PRDM12: variants seen among roughly 807,000 people sequenced by gnomAD.
The protein encoded by PRDM12 is PR domain zinc finger protein 12.
PRDM12 carries 17 observed loss-of-function variants against 29.6 expected under a neutral mutation model. That is an observed-to-expected ratio of 0.57 (90% CI 0.39 to 0.86). The LOEUF is 0.86. Among genes scored for constraint, PRDM12 ranks in the 40% least tolerant of loss-of-function variants. The pLI is 0.00. For synonymous variants in PRDM12, 231 were observed against 225.8 expected, an observed-to-expected ratio of 1.02 and a Z score of -0.21; for missense variants, 422 against 510.8, an observed-to-expected ratio of 0.83 and a Z score of 1.68.
In PRDM12 at chr9:130,668,443, C is replaced by T. The variant is rs547634992; in HGVS notation, c.570+130C>T. ...GCTGACACTGGCCTCGCTGGCTCTGCGCAGGCCATGGGGCTGTGGCAGACA... is the reference window on the plus strand; with the variant it reads ...GCTGACACTGGCCTCGCTGGCTCTGTGCAGGCCATGGGGCTGTGGCAGACA... On this transcript the variant is annotated intron_variant, in intron 3 of 4. Transcript: ENST00000253008. The surrounding 1 kb of genome is among the most constrained non-coding windows in gnomAD (Gnocchi z 4.0). 12 of 1,430,262 alleles carry T rather than the reference C, an allele frequency of 8.4e-6. No homozygotes were observed. Among genetic ancestry groups the T allele is most frequent in the South Asian group, 2.6e-5 (2 of 76,588 alleles). The allele number at this position is 1,430,262 out of a possible 1,614,324, so 88.6% of individuals were successfully genotyped here. A position where few individuals can be genotyped will look rare whatever the true frequency, so the allele number is the denominator to read the frequency against.
intron 3 of PRDM12, among the ~76,000 whole-genome samples, chr9:130,669,379 G>A (rs1030599548): frequency 6.6e-6 from 1 of 151,676 alleles, no homozygotes; most frequent in Non-Finnish European, 1.5e-5. Flanking sequence ...AAAAATTAGT[G>A]GGGCGTGGTG....
intron 3 of PRDM12, among the ~76,000 whole-genome samples, chr9:130,671,374 GACACACACACACACACACACAC>G (rs56920587): frequency 1.5e-5 from 2 of 135,640 alleles, no homozygotes; most frequent in African/African-American, 2.7e-5. Context: ...AGAGGATCAG[GACACACACACACACACACACAC>G]ACACACACAC....
At chr9:130,676,452 C>T (rs1043648061) in intron 3 of PRDM12, among the ~76,000 whole-genome samples, 3 of 151,994 alleles carry the variant, frequency 2.0e-5, no homozygotes, top group East Asian at 1.9e-4. Flanking sequence ...GCCAAGATCG[C>T]GCCACTGCAC....
At chr9:130,679,326 CTTCCTTTTTTTTTTTTTTT>C (rs901522147) in intron 4 of PRDM12, among the ~76,000 whole-genome samples, 11 of 138,114 alleles carry the variant, frequency 8.0e-5, no homozygotes, top group African/African-American at 1.9e-4. Context: ...TTCTTTCTTT[CTTCCTTTTTTTTTTTTTTT>C]TTTTTGAGAC....
chr9:130,670,338 G>A (rs971120384), intron 3 of PRDM12, among the ~76,000 whole-genome samples: 2 of 152,064 alleles, frequency 1.3e-5, no homozygotes, highest in Non-Finnish European at 2.9e-5. Flanking sequence ...TAGCTTCTCG[G>A]ATGGGTTCCT....
At chr9:130,680,659 A>ATATATATATTTTTTTT in intron 4 of PRDM12, among the ~76,000 whole-genome samples, 23 of 72,166 alleles carry the variant, frequency 3.2e-4, no homozygotes, top group African/African-American at 1.2e-3. Context: ...ATATATATAT[A>ATATATATATTTTTTTT]TTTTTTTTTT....
Position 130,668,951 on chromosome 9 carries a change from G to A in PRDM12, c.570+638G>A, listed in dbSNP as rs550011594. 2.0e-5 allele frequency among the ~76,000 whole-genome samples: 3 copies of A among 152,288 alleles called. No homozygotes were observed. The East Asian group carries it at 5.8e-4, about 29-fold the overall frequency. Reference sequence around the variant, plus strand: ...GGCAGCAGACTTGGGGGTTTTGCCGGCCATCTGGGGGGAGTGTTAGCACTA... The same window carrying A: ...GGCAGCAGACTTGGGGGTTTTGCCGACCATCTGGGGGGAGTGTTAGCACTA... On this transcript the variant is annotated intron_variant, in intron 3 of 4. Coordinates refer to ENST00000253008, the MANE Select transcript of PRDM12 (RefSeq NM_021619.3). This position sits in a 1 kb window ranked among gnomAD's most constrained non-coding sequence, Gnocchi z 4.0.
In PRDM12 at chr9:130,668,838, G is replaced by A. The variant is rs569539702; in HGVS notation, c.570+525G>A. ...GCTTCTCCCAGATGCTGGATATGCA[G>A]TATGGTATTTAATCCCCACGGGGCC... On this transcript the variant is annotated intron_variant, in intron 3 of 4. Coordinates refer to ENST00000253008, the MANE Select transcript of PRDM12 (RefSeq NM_021619.3). The surrounding 1 kb of genome is among the most constrained non-coding windows in gnomAD (Gnocchi z 4.0). 1.3e-5 allele frequency among the ~76,000 whole-genome samples: 2 copies of A among 152,168 alleles called. No individual in the cohort carries two copies. Among genetic ancestry groups the A allele is most frequent in the Non-Finnish European group, 2.9e-5 (2 of 68,040 alleles).
chr9:130,680,652 TA>T (rs1321737632), intron 4 of PRDM12, among the ~76,000 whole-genome samples: 11 of 85,672 alleles, frequency 1.3e-4, no homozygotes, highest in East Asian at 3.7e-4. Context: ...TATATATATA[TA>T]TATATATTTT....
chr9:130,665,212 C>A (rs909103856), intron 1 of PRDM12, among the ~76,000 whole-genome samples: 1 of 151,090 alleles, frequency 6.6e-6, no homozygotes, highest in African/African-American at 2.4e-5. Flanking sequence ...GCAGTTGACT[C>A]AAAAAGAAGG....
Position 130,681,773 on chromosome 9 carries a change from C to T in PRDM12, c.*104C>T. Reference sequence around the variant, plus strand: ...GCCCCAACCCCCGGCCCGGCGCCGCCGCGGAGCCCCGCGCGCTGGGGTTGC... The same window carrying T: ...GCCCCAACCCCCGGCCCGGCGCCGCTGCGGAGCCCCGCGCGCTGGGGTTGC... On this transcript the variant is annotated 3_prime_UTR_variant, in exon 5 of 5. Transcript: ENST00000253008. The surrounding 1 kb of genome is among the most constrained non-coding windows in gnomAD (Gnocchi z 8.1). 1 of 931,410 alleles carries T rather than the reference C, an allele frequency of 1.1e-6. No individual in the cohort carries two copies. The highest frequency in any genetic ancestry group is 1.3e-6 in the Non-Finnish European group (1 of 781,044). 57.7% of individuals were successfully genotyped at this position (931,410 alleles called of 1,614,324 possible).
intron 1 of PRDM12, among the ~76,000 whole-genome samples, chr9:130,665,360 GGAGA>G (rs1309339821): frequency 2.0e-5 from 3 of 152,134 alleles, no homozygotes; most frequent in Non-Finnish European, 4.4e-5. Context: ...GGAGAGCGAG[GGAGA>G]GAAAGAGAGA....
At position 130,664,664 on chromosome 9, in the gene PRDM12, C is replaced by A. The variant is rs753820113; in HGVS notation, c.11C>A (p.Ser4Tyr). The stretch of plus-strand genomic sequence containing the variant: ...AGCTCCGGGCCGCCCATGATGGGCT[C>A]CGTGCTCCCGGCTGAGGCCCTGGTG... The part of the protein sequence containing the change: MMG[S>Y]VLPAEALVLK... The change falls in exon 1 of 5, where the codon TCC becomes TAC. Residue 4 changes from serine to tyrosine, a missense_variant. Coordinates refer to ENST00000253008, the MANE Select transcript of PRDM12 (RefSeq NM_021619.3). This position sits in a 1 kb window ranked among gnomAD's most constrained non-coding sequence, Gnocchi z 6.4. 1 of 1,593,676 alleles carries A rather than the reference C, an allele frequency of 6.3e-7. No homozygotes were observed. The highest frequency in any genetic ancestry group is 1.1e-5 in the South Asian group (1 of 89,002).
chr9:130,671,773 C>T (rs112845199), intron 3 of PRDM12, among the ~76,000 whole-genome samples: 10,144 of 152,140 alleles, frequency 0.067, 387 homozygotes, highest in South Asian at 0.1. Context: ...TTATTCTCTG[C>T]GTGTGGGTGA....
At position 130,668,180 on chromosome 9, in the gene PRDM12, T is replaced by C; in HGVS notation, c.437T>C (p.Val146Ala). The C allele has an allele frequency of 6.2e-7, 1 of 1,614,140 alleles. No individual in the cohort carries two copies. Among genetic ancestry groups the C allele is most frequent in the Non-Finnish European group, 8.5e-7 (1 of 1,180,030 alleles). ...CAGGTGTTCAATGAGGATGGCACGG[T>C]GCGCTACTTCATCGATGCCAGCCAG... is the stretch of plus-strand genomic sequence containing the variant. ...MWEVFNEDGT[V>A]RYFIDASQED... is the part of the protein sequence containing the mutation. The change falls in exon 3 of 5, where the codon GTG becomes GCG. Residue 146 changes from valine to alanine, a missense_variant. Physicochemically the swap from Val to Ala is moderately conservative, Grantham distance 64. Around this residue, in one of 5 missense-constraint regions of PRDM12, gnomAD observed 300 missense variants for 350.0 expected, o/e 0.86. Transcript: ENST00000253008. This position sits in a 1 kb window ranked among gnomAD's most constrained non-coding sequence, Gnocchi z 4.0.
chr9:130,680,360 G>T (rs982911767), intron 4 of PRDM12, among the ~76,000 whole-genome samples: 1 of 150,890 alleles, frequency 6.6e-6, no homozygotes, highest in Non-Finnish European at 1.5e-5. Flanking sequence ...AAATCTTTTT[G>T]GCCGGGCGCT....
At chr9:130,680,843 CCAGGCACCTCT>C (rs1219256263) in intron 4 of PRDM12, among the ~76,000 whole-genome samples, 1 of 151,548 alleles carries the variant, frequency 6.6e-6, no homozygotes, top group Non-Finnish European at 1.5e-5. Flanking sequence ...CTGCTCCAAT[CCAGGCACCTCT>C]CAGGCACTGG....
In PRDM12 at chr9:130,664,596, C is replaced by T; in HGVS notation, c.-58C>T. On this transcript the variant is annotated 5_prime_UTR_variant, in exon 1 of 5. Coordinates refer to ENST00000253008, the MANE Select transcript of PRDM12 (RefSeq NM_021619.3). This position sits in a 1 kb window ranked among gnomAD's most constrained non-coding sequence, Gnocchi z 6.4. ...TCGCCCCTTGGGCTCCCCTCTCGCCCGCCCACCTCCCCCGTCGGCCCGGCC... is the reference window on the plus strand; with the variant it reads ...TCGCCCCTTGGGCTCCCCTCTCGCCTGCCCACCTCCCCCGTCGGCCCGGCC... The T allele has an allele frequency of 3.6e-6, 5 of 1,399,880 alleles. No individual in the cohort carries two copies. The highest frequency in any genetic ancestry group is 1.4e-5 in the South Asian group (1 of 70,634). 86.7% of individuals were successfully genotyped at this position (1,399,880 alleles called of 1,614,324 possible).
At position 130,668,005 on chromosome 9, in the gene PRDM12, C is replaced by T. The variant is rs1249847431; in HGVS notation, c.415-153C>T. Among the ~76,000 whole-genome samples the T allele has an allele frequency of 6.6e-6, 1 of 152,234 alleles. No homozygotes were observed. The highest frequency in any genetic ancestry group is 2.4e-5 in the African/African-American group (1 of 41,466). ...GCTAGCTTCAGGCAAGTCCCTGCAC[C>T]TCTCCAGCCTTCCTTTCTTCAGTGG... On this transcript the variant is annotated intron_variant, in intron 2 of 4. Transcript: ENST00000253008. The surrounding 1 kb of genome is among the most constrained non-coding windows in gnomAD (Gnocchi z 4.0).
Sources: gnomAD v4.1 joint callset for allele counts (sites outside exome capture counted in the v4.1 genomes callset) on GRCh38, gnomAD v4.1.1 for gene constraint, gnomAD v4.1.1 regional missense constraint, Gnocchi (gnomAD v3.1) non-coding constraint, MANE v1.5 for transcripts, NCBI Gene and HGNC (gene_info 2026-07-23, HGNC 2026-07-21) for gene names.